Variants in PTPN23 observed in about 807,000 individuals in gnomAD.
PTPN23 encodes protein tyrosine phosphatase non-receptor type 23.
In PTPN23, 72 loss-of-function variants were observed where a neutral mutation model predicts 156.3. The ratio of observed to expected loss-of-function variants is 0.46; its 90% CI spans 0.38 to 0.56. PTPN23 has a LOEUF of 0.56. PTPN23 is among the 20% of genes least tolerant of loss of function. The pLI, the probability that PTPN23 is intolerant of heterozygous loss-of-function variation, is 0.00. For missense variants in PTPN23, 1,974 were observed against 2,171.5 expected (o/e 0.91, Z 1.81); for synonymous variants, 957 against 899.6 (o/e 1.06, Z -1.14).
In PTPN23 at chr3:47,412,103, C is replaced by T. The variant is rs200311135; in HGVS notation, c.4083C>T (p.Pro1361=). 66 of 1,613,048 alleles carry T rather than the reference C, an allele frequency of 4.1e-5. No individual in the cohort carries two copies. The Admixed American group carries it at 4.7e-4, about 11-fold the overall frequency. The change falls in exon 22 of 25, where the codon CCC becomes CCT. Residue 1361 remains proline (P), a synonymous_variant. Coordinates refer to ENST00000265562, the MANE Select transcript of PTPN23 (RefSeq NM_015466.4). ...HFPTWPELGL[P]DSPSNLLRFI... ...CCATCCTGTCCCACAGAGGCCTGCCCGACAGCCCCAGCAACTTGCTGCGCT... is the reference window on the plus strand; with the variant it reads ...CCATCCTGTCCCACAGAGGCCTGCCTGACAGCCCCAGCAACTTGCTGCGCT...
chr3:47,413,217 A>C lies in PTPN23; in HGVS notation c.*32A>C. 6.9e-7 allele frequency: 1 copy of C among 1,455,574 alleles called. No homozygotes were observed. The highest frequency in any genetic ancestry group is 1.2e-5 in the South Asian group (1 of 82,208). The allele number at this position is 1,455,574 out of a possible 1,614,324, so 90.2% of individuals were successfully genotyped here. A position where few individuals can be genotyped will look rare whatever the true frequency, so the allele number is the denominator to read the frequency against. Reference sequence around the variant, plus strand: ...TTTGCCTACCTGGTCCTTACACTACATCATCATCATCTCATGCCCACCTGC... The same window carrying C: ...TTTGCCTACCTGGTCCTTACACTACCTCATCATCATCTCATGCCCACCTGC... On this transcript the variant is annotated 3_prime_UTR_variant, in exon 25 of 25. Coordinates refer to ENST00000265562, the MANE Select transcript of PTPN23 (RefSeq NM_015466.4).
rs994780314 is a variant in PTPN23, at chr3:47,381,064, G to C, written c.-33G>C. The C allele has an allele frequency of 3.2e-6, 5 of 1,555,042 alleles. No homozygotes were observed. The African/African-American group carries it at 6.8e-5, about 21-fold the overall frequency. On this transcript the variant is annotated 5_prime_UTR_variant, in exon 1 of 25. Coordinates refer to ENST00000265562, the MANE Select transcript of PTPN23 (RefSeq NM_015466.4). Reference sequence around the variant, plus strand: ...GAGCCAGCAGCTGCAGCAGCTACGGGAGTGGCCGGGTGGCCGGCGGGTGCC... The same window carrying C: ...GAGCCAGCAGCTGCAGCAGCTACGGCAGTGGCCGGGTGGCCGGCGGGTGCC...
chr3:47,412,916 C>T lies in PTPN23; in HGVS notation c.4642C>T (p.Leu1548Phe), dbSNP rs1298503490. 2 of 1,603,452 alleles carry T rather than the reference C, an allele frequency of 1.2e-6. No individual in the cohort carries two copies. The highest frequency in any genetic ancestry group is 1.1e-5 in the South Asian group (1 of 90,388). ...AATCCCATCTTCCTCCCCGCCCCCC[C>T]TTTCCTCCCCACTACCTGAGGCTCC... Reference protein sequence around the residue: ...TPIPSSSPPPLSSPLPEAPQP... With the variant: ...TPIPSSSPPPFSSPLPEAPQP... The change falls in exon 25 of 25, where the codon CTT (leucine) becomes TTT (phenylalanine). Residue 1548 changes from leucine (L) to phenylalanine (F), a missense_variant. Leu to Phe is a conservative substitution (Grantham distance 22). This residue lies in a region of PTPN23 where 484 missense variants were observed against 516.0 expected (regional missense o/e 0.94). Coordinates refer to ENST00000265562, the MANE Select transcript of PTPN23 (RefSeq NM_015466.4).
chr3:47,408,391 C>T lies in PTPN23; in HGVS notation c.1231C>T (p.Leu411Phe), dbSNP rs370773584. The change falls in exon 15 of 25, where the codon CTT becomes TTT. Residue 411 changes from leucine (L) to phenylalanine (F), a missense_variant. Physicochemically the swap from Leu to Phe is conservative, Grantham distance 22. Transcript: ENST00000265562. ...MQLDPETVDN[L>F]DAYSHIPPQL... ...GTTGGATCCCGAGACGGTGGACAAC[C>T]TTGATGCCTACAGCCACATCCCACC... 4.3e-6 allele frequency: 7 copies of T among 1,614,038 alleles called. No individual in the cohort carries two copies. In the African/African-American group the frequency reaches 6.7e-5, roughly 15 times the overall value.
rs1344011264 is a variant in PTPN23 at position 47,406,980 on chromosome 3, G to C, written c.808-150G>C. 8.7e-7 allele frequency: 1 copy of C among 1,149,390 alleles called. No homozygotes were observed. The highest frequency in any genetic ancestry group is 1.5e-5 in the African/African-American group (1 of 65,372). 71.2% of individuals were successfully genotyped at this position (1,149,390 alleles called of 1,614,324 possible). On this transcript the variant is annotated intron_variant, in intron 9 of 24. Transcript: ENST00000265562. This position sits in a 1 kb window ranked among gnomAD's most constrained non-coding sequence, Gnocchi z 5.8. ...GAGCAGGTGGCTGGGGCAGGGTGTGGCGCCACCTTGCTGCTGTTGGCTGGG... is the reference window on the plus strand; with the variant it reads ...GAGCAGGTGGCTGGGGCAGGGTGTGCCGCCACCTTGCTGCTGTTGGCTGGG...
chr3:47,407,303 C>G lies in PTPN23; in HGVS notation c.865-6C>G. On this transcript the variant is annotated splice_polypyrimidine_tract_variant and splice_region_variant and intron_variant, in intron 10 of 24. Transcript: ENST00000265562. This position sits in a 1 kb window ranked among gnomAD's most constrained non-coding sequence, Gnocchi z 4.0. The stretch of plus-strand genomic sequence containing the variant: ...TAAGGCCCCACCCCTGTCCCTAACC[C>G]CACAGGGCCAGCCTGACACTGTGCA... 4 of 1,613,902 alleles carry G rather than the reference C, an allele frequency of 2.5e-6. No homozygotes were observed. Among genetic ancestry groups the G allele is most frequent in the Non-Finnish European group, 3.4e-6 (4 of 1,179,900 alleles).
Position 47,406,543 on chromosome 3 carries a change from G to A in PTPN23, c.690G>A (p.Leu230=). The A allele has an allele frequency of 6.2e-7, 1 of 1,614,022 alleles. No individual in the cohort carries two copies. The highest frequency in any genetic ancestry group is 8.5e-7 in the Non-Finnish European group (1 of 1,180,010). The part of the protein sequence containing the change: ...ALENPDTASL[L]GRIQKDWKKL... ...AGAACCCCGACACTGCCTCACTGCT[G>A]GGCCGGATCCAGAAGGACTGGAAGA... is the stretch of plus-strand genomic sequence containing the variant. Residue 230 remains leucine, a synonymous_variant, in exon 8 of 25, where the codon CTG becomes CTA. Transcript: ENST00000265562. The surrounding 1 kb of genome is among the most constrained non-coding windows in gnomAD (Gnocchi z 5.8).
In PTPN23 at chr3:47,410,621, G is replaced by A. The variant is rs752215797; in HGVS notation, c.2823G>A (p.Gly941=). 1 of 1,611,598 alleles carries A rather than the reference G, an allele frequency of 6.2e-7. No homozygotes were observed. Among genetic ancestry groups the A allele is most frequent in the Non-Finnish European group, 8.5e-7 (1 of 1,179,360 alleles). The stretch of plus-strand genomic sequence containing the variant: ...CGGCACAGCACCACTTCTCTTCTGG[G>A]ATCCCCGCAGGTTTTCCAGCCCCAA... ...PIPAQHHFSS[G]IPAGFPAPRI... Residue 941 remains glycine (G), a synonymous_variant, in exon 20 of 25, where the codon GGG becomes GGA. Transcript: ENST00000265562.
At position 47,406,761 on chromosome 3, in the gene PTPN23, G is replaced by A. The variant is rs1384431739; in HGVS notation, c.807+11G>A. On this transcript the variant is annotated intron_variant, in intron 9 of 24. Transcript: ENST00000265562. This position sits in a 1 kb window ranked among gnomAD's most constrained non-coding sequence, Gnocchi z 5.8. ...AAGTTCGGGGAGCGGGTGAGCTACA[G>A]CGAGGAGGGGACTGGGGACCAATGG... 2 of 1,613,422 alleles carry A rather than the reference G, an allele frequency of 1.2e-6. No homozygotes were observed. The highest frequency in any genetic ancestry group is 1.7e-6 in the Non-Finnish European group (2 of 1,179,864).
rs1431956478 is a variant in PTPN23 at position 47,412,523 on chromosome 3, A to C, written c.4327A>C (p.Arg1443=). The part of the protein sequence containing the change: ...KHMLQEKLHL[R]FCYEAVVRHV... ...AAATGCACCTGTGCAGCTGCACCTC[A>C]GGTTCTGCTATGAGGCAGTGGTGAG... The change falls in exon 24 of 25, where the codon AGG becomes CGG. Residue 1443 remains arginine, a synonymous_variant. Coordinates refer to ENST00000265562, the MANE Select transcript of PTPN23 (RefSeq NM_015466.4). 2 of 1,613,232 alleles carry C rather than the reference A, an allele frequency of 1.2e-6. No individual in the cohort carries two copies. The highest frequency in any genetic ancestry group is 3.3e-5 in the Admixed American group (2 of 59,994).
chr3:47,405,721 C>G lies in PTPN23; in HGVS notation c.365-28C>G. 1 of 1,593,326 alleles carries G rather than the reference C, an allele frequency of 6.3e-7. No homozygotes were observed. On this transcript the variant is annotated intron_variant, in intron 4 of 24. Transcript: ENST00000265562. The surrounding 1 kb of genome is among the most constrained non-coding windows in gnomAD (Gnocchi z 4.7). The stretch of plus-strand genomic sequence containing the variant: ...TCACATGGGTGTGAGCAGCCCCAGG[C>G]CCCTAACACTGTCCCCTCCCTCCCC...
At chr3:47,394,279 T>A (rs1418149875) in intron 1 of PTPN23, among the ~76,000 whole-genome samples, 9 of 152,142 alleles carry the variant, frequency 5.9e-5, no homozygotes, top group African/African-American at 2.2e-4. Flanking sequence ...GAGGCTGGGG[T>A]CACTGGCATG....
At chr3:47,400,730 C>A (rs1027506107) in intron 2 of PTPN23, among the ~76,000 whole-genome samples, 1 of 151,718 alleles carries the variant, frequency 6.6e-6, no homozygotes, top group Non-Finnish European at 1.5e-5. Context: ...CTCGCCATCA[C>A]GCCCAGCTAT....
intron 2 of PTPN23, among the ~76,000 whole-genome samples, chr3:47,403,287 C>A (rs963363669): frequency 6.6e-6 from 1 of 151,110 alleles, no homozygotes; most frequent in African/African-American, 2.4e-5. Flanking sequence ...CTCCTGACCT[C>A]GTGATCCTCC....
At position 47,411,650 on chromosome 3, in the gene PTPN23, C is replaced by T. The variant is rs771818041; in HGVS notation, c.3852C>T (p.Val1284=). 1.9e-6 allele frequency: 3 copies of T among 1,607,394 alleles called. No homozygotes were observed. The highest frequency in any genetic ancestry group is 2.6e-6 in the Non-Finnish European group (3 of 1,176,170). ...TGGTCCATGAGCAGAAAGTGTCAGT[C>T]ATTGTCATGCTGGTTTCTGAGGCTG... ...WLMVHEQKVS[V]IVMLVSEAEM... is the part of the protein sequence containing the mutation. Residue 1284 remains valine (V), a synonymous_variant, in exon 20 of 25, where the codon GTC becomes GTT. Coordinates refer to ENST00000265562, the MANE Select transcript of PTPN23 (RefSeq NM_015466.4). This position sits in a 1 kb window ranked among gnomAD's most constrained non-coding sequence, Gnocchi z 6.3.
chr3:47,405,122 C>T lies in PTPN23; in HGVS notation c.364+41C>T. ...CCTTCCCCCGGCCCTACTCCCCAGT[C>T]CTGCCAGCCTAGCTTTCAGCTCTTC... is the stretch of plus-strand genomic sequence containing the variant. On this transcript the variant is annotated intron_variant, in intron 4 of 24. Coordinates refer to ENST00000265562, the MANE Select transcript of PTPN23 (RefSeq NM_015466.4). This position sits in a 1 kb window ranked among gnomAD's most constrained non-coding sequence, Gnocchi z 4.7. 1 of 1,583,374 alleles carries T rather than the reference C, an allele frequency of 6.3e-7. No homozygotes were observed. The highest frequency in any genetic ancestry group is 1.7e-4 in the Middle Eastern group (1 of 5,820).
intron 1 of PTPN23, among the ~76,000 whole-genome samples, chr3:47,389,425 C>G (rs1051187577): frequency 1.1e-4 from 17 of 151,678 alleles, no homozygotes; most frequent in Admixed American, 3.3e-4. Flanking sequence ...AGCCTGGGCA[C>G]CATAGCAAGA....
In PTPN23 at chr3:47,411,823, C is replaced by A; in HGVS notation, c.3929C>A (p.Pro1310His). The A allele has an allele frequency of 5.6e-6, 9 of 1,612,652 alleles. No homozygotes were observed. The highest frequency in any genetic ancestry group is 7.6e-6 in the Non-Finnish European group (9 of 1,179,508). Residue 1310 changes from proline to histidine, a missense_variant, in exon 21 of 25, where the codon CCC (proline) becomes CAC (histidine). Coordinates refer to ENST00000265562, the MANE Select transcript of PTPN23 (RefSeq NM_015466.4). The surrounding 1 kb of genome is among the most constrained non-coding windows in gnomAD (Gnocchi z 6.3). The part of the protein sequence containing the change: ...ARYFPTERGQ[P>H]MVHGALSLAL... ...TACTTCCCCACCGAGAGGGGCCAGC[C>A]CATGGTGCACGGTGCCCTGAGCCTG...
At position 47,407,189 on chromosome 3, in the gene PTPN23, A is replaced by G. The variant is rs772815176; in HGVS notation, c.864+3A>G. On this transcript the variant is annotated splice_donor_region_variant and intron_variant, in intron 10 of 24. Transcript: ENST00000265562. This position sits in a 1 kb window ranked among gnomAD's most constrained non-coding sequence, Gnocchi z 4.0. ...ATGAAGCCATCAAGTTGGCCAAGGT[A>G]AAGCTGAGGAAGGCCTGGCTGCCCT... 6.2e-7 allele frequency: 1 copy of G among 1,614,020 alleles called. No individual in the cohort carries two copies. Among genetic ancestry groups the G allele is most frequent in the South Asian group, 1.1e-5 (1 of 91,086 alleles).
Sources: gnomAD v4.1 joint callset for allele counts (sites outside exome capture counted in the v4.1 genomes callset) on GRCh38, gnomAD v4.1.1 for gene constraint, gnomAD v4.1.1 regional missense constraint, Gnocchi (gnomAD v3.1) non-coding constraint, MANE v1.5 for transcripts, NCBI Gene and HGNC (gene_info 2026-07-23, HGNC 2026-07-21) for gene names.